The following SVEP1 variants were observed in gnomAD, a reference collection of about 807,000 sequenced individuals.
The protein encoded by SVEP1 is sushi, von Willebrand factor type A, EGF and pentraxin domain-containing protein 1.
A neutral mutation model predicts 367.3 loss-of-function variants in SVEP1; 164 were observed. That is an observed-to-expected ratio of 0.45 (90% CI 0.39 to 0.51). The LOEUF (loss-of-function observed/expected upper bound fraction) is 0.51, where lower values mean the gene tolerates loss of function less well. Among genes scored for constraint, SVEP1 ranks in the 20% least tolerant of loss-of-function variants. SVEP1 has a pLI of 0.00. For missense variants in SVEP1, 4,117 were observed against 4,425.3 expected, an observed-to-expected ratio of 0.93 and a Z score of 1.98; for synonymous variants, 1,666 against 1,611.6, an observed-to-expected ratio of 1.03 and a Z score of -0.81.
At chr9:110,425,166 C>G (rs1223958698) in intron 36 of SVEP1, among the ~76,000 whole-genome samples, 1 of 152,102 alleles carries the variant, frequency 6.6e-6, no homozygotes, top group Non-Finnish European at 1.5e-5. Flanking sequence ...TGTCTCCTAA[C>G]AGTTATTTTT....
chr9:110,411,690 G>A lies in SVEP1; in HGVS notation c.6021C>T (p.Gly2007=). ...GLDTIECLAD[G]KWSRSDQQCL... The stretch of plus-strand genomic sequence containing the variant: ...ACTGCTGGTCACTTCTACTCCACTT[G>A]CCGTCGGCCAGGCATTCAATGGTGT... Residue 2007 remains glycine, a synonymous_variant, in exon 37 of 48, where the codon GGC becomes GGT. Coordinates refer to ENST00000374469, the MANE Select transcript of SVEP1 (RefSeq NM_153366.4). 6.3e-7 allele frequency: 1 copy of A among 1,597,628 alleles called. No individual in the cohort carries two copies. Among genetic ancestry groups the A allele is most frequent in the Non-Finnish European group, 8.5e-7 (1 of 1,172,078 alleles).
At chr9:110,409,556 C>T (rs761078073) in intron 37 of SVEP1, among the ~76,000 whole-genome samples, 8 of 152,058 alleles carry the variant, frequency 5.3e-5, no homozygotes, top group Non-Finnish European at 7.4e-5. Context: ...ACTGATGAGG[C>T]AACGCTAAAA....
At chr9:110,454,604 A>C (rs1361560371) in intron 22 of SVEP1, among the ~76,000 whole-genome samples, 1 of 152,256 alleles carries the variant, frequency 6.6e-6, no homozygotes, top group African/African-American at 2.4e-5. Context: ...TGGTACTTAT[A>C]CATCATCGAA....
intron 3 of SVEP1, among the ~76,000 whole-genome samples, chr9:110,518,354 G>A (rs1417270734): frequency 4.0e-5 from 6 of 151,790 alleles, no homozygotes; most frequent in East Asian, 1.9e-4. Context: ...CCTGGGAGAC[G>A]GAGGTTGCAG....
At position 110,407,584 on chromosome 9, in the gene SVEP1, T is replaced by A; in HGVS notation, c.8016A>T (p.Ser2672=). 3 of 1,613,982 alleles carry A rather than the reference T, an allele frequency of 1.9e-6. No individual in the cohort carries two copies. The highest frequency in any genetic ancestry group is 2.5e-6 in the Non-Finnish European group (3 of 1,179,882). The change falls in exon 38 of 48, where the codon TCA becomes TCT. Residue 2672 remains serine (S), a synonymous_variant. Transcript: ENST00000374469. ...CCATGGTACCATACAGAAAGTTTGA[T>A]GAATGTGTAGCAGGAGACTCCTTTG... The part of the protein sequence containing the change: ...ENTKESPATH[S]SNFLYGTMVS...
At chr9:110,535,586 GT>G (rs1311559625) in intron 3 of SVEP1, among the ~76,000 whole-genome samples, 2 of 152,004 alleles carry the variant, frequency 1.3e-5, no homozygotes, top group Non-Finnish European at 2.9e-5. Context: ...CATTGAATCT[GT>G]AAATTGCTTT....
intron 30 of SVEP1, 58 bp from the exon 31 acceptor site, chr9:110,432,693 T>C (rs1564141237): frequency 3.3e-6 from 5 of 1,529,526 alleles, no homozygotes; most frequent in Middle Eastern, 2.0e-4. Context: ...CCAAGAACAC[T>C]TTATTTGTAT....
chr9:110,550,868 T>C (rs1830277562), intron 1 of SVEP1, among the ~76,000 whole-genome samples: 1 of 152,182 alleles, frequency 6.6e-6, no homozygotes, highest in Admixed American at 6.5e-5. Flanking sequence ...ATGAAACCTT[T>C]TAAAAAGACA....
intron 10 of SVEP1, among the ~76,000 whole-genome samples, chr9:110,483,072 G>C (rs1829219495): frequency 6.6e-6 from 1 of 152,140 alleles, no homozygotes; most frequent in Admixed American, 6.5e-5. Flanking sequence ...AGTCTGCTAC[G>C]ACATTGGGAC....
chr9:110,408,933 A>T lies in SVEP1; in HGVS notation c.6667T>A (p.Phe2223Ile), dbSNP rs1289550844. 1 of 1,588,310 alleles carries T rather than the reference A, an allele frequency of 6.3e-7. No homozygotes were observed. The highest frequency in any genetic ancestry group is 8.6e-7 in the Non-Finnish European group (1 of 1,167,420). Residue 2223 changes from phenylalanine (F) to isoleucine (I), a missense_variant, in exon 38 of 48, where the codon TTT becomes ATT. This residue lies in a region of SVEP1 where 1,765 missense variants were observed against 1,781.1 expected (regional missense o/e 0.99). Transcript: ENST00000374469. ...CACTGATACCTCACTTCACTCTCAA[A>T]GATCCTGCCAGTTGTATGCTGTGCA... ...GFLEHTTGRI[F>I]ESEVRYQCNP...
chr9:110,568,664 A>G (rs1830519082), intron 1 of SVEP1, among the ~76,000 whole-genome samples: 1 of 152,206 alleles, frequency 6.6e-6, no homozygotes, highest in African/African-American at 2.4e-5. Context: ...TGACAAATGT[A>G]AGAAAATAAG....
chr9:110,414,914 T>A (rs180874156), intron 36 of SVEP1, among the ~76,000 whole-genome samples: 4 of 152,156 alleles, frequency 2.6e-5, no homozygotes, highest in African/African-American at 9.7e-5. Flanking sequence ...AGTTTATATC[T>A]GAGAAGAATC....
At chr9:110,467,977 C>G (rs184382579) in intron 17 of SVEP1, among the ~76,000 whole-genome samples, 169 of 138,192 alleles carry the variant, frequency 1.2e-3, no homozygotes, top group African/African-American at 4.5e-3. Flanking sequence ...ACTTTCTCCA[C>G]GTGACATGCC....
chr9:110,436,966 T>A (rs1455560768), intron 27 of SVEP1, among the ~76,000 whole-genome samples: 1 of 152,164 alleles, frequency 6.6e-6, no homozygotes, highest in African/African-American at 2.4e-5. Context: ...TCAGTATTCA[T>A]CTCTGTAACT....
chr9:110,548,542 T>C (rs1270104086), intron 2 of SVEP1, among the ~76,000 whole-genome samples: 3 of 152,190 alleles, frequency 2.0e-5, no homozygotes, highest in East Asian at 3.9e-4. Context: ...ATGAATGATA[T>C]GTAAAAACAA....
chr9:110,479,552 G>A (rs1829152698), intron 13 of SVEP1, 83 bp downstream of exon 13: 3 of 1,437,630 alleles, frequency 2.1e-6, no homozygotes, highest in Non-Finnish European at 1.8e-6. Context: ...GAAATAGGAT[G>A]AGAAATCGCA....
intron 46 of SVEP1, among the ~76,000 whole-genome samples, chr9:110,374,270 A>C (rs2209785): frequency 0.72 from 109,622 of 152,052 alleles, 39,713 homozygotes; most frequent in Middle Eastern, 0.79. Context: ...TGTTCCTTTT[A>C]TAAGGATGAT....
chr9:110,502,778 T>G, intron 6 of SVEP1, among the ~76,000 whole-genome samples: 1 of 152,172 alleles, frequency 6.6e-6, no homozygotes. Context: ...CAATTAAAAC[T>G]AAGAAAAAAG....
chr9:110,541,734 T>C (rs1298771470), intron 3 of SVEP1, among the ~76,000 whole-genome samples: 3 of 150,410 alleles, frequency 2.0e-5, no homozygotes, highest in African/African-American at 7.3e-5. Flanking sequence ...ATGCAATCTA[T>C]ATACATATCT....
Sources: allele counts gnomAD v4.1 joint callset (sites outside exome capture counted in the v4.1 genomes callset), GRCh38; gene constraint gnomAD v4.1.1; regional missense constraint gnomAD v4.1.1; transcripts MANE v1.5; gene names NCBI Gene and HGNC (gene_info 2026-07-23, HGNC 2026-07-21).